Variants in KIAA1217 observed in about 807,000 individuals in gnomAD.
KIAA1217 encodes KIAA1217, also known as sickle tail protein homolog.
In KIAA1217, 88 loss-of-function variants were observed where a neutral mutation model predicts 163.9. That is an observed-to-expected ratio of 0.54 (90% CI 0.45 to 0.64). The LOEUF (loss-of-function observed/expected upper bound fraction) is 0.64, where lower values mean the gene tolerates loss of function less well. Ranked by LOEUF, KIAA1217 falls within the 30% of genes least tolerant of loss-of-function variation. KIAA1217 has a pLI of 0.00. For missense variants in KIAA1217, 2,372 were observed against 2,475.0 expected, an observed-to-expected ratio of 0.96 and a Z score of 0.88; for synonymous variants, 903 against 923.1, an observed-to-expected ratio of 0.98 and a Z score of 0.39.
intron 1 of KIAA1217, among the ~76,000 whole-genome samples, chr10:23,821,104 CGTGTGTGTGTGTGT>C (rs3072739): frequency 2.8e-5 from 4 of 143,124 alleles, no homozygotes; most frequent in Admixed American, 7.0e-5. Context: ...TGTGTGTGTG[CGTGTGTGTGTGTGT>C]GTGTGTGTGT....
chr10:24,475,920 G>A (rs1447870665), intron 6 of KIAA1217, among the ~76,000 whole-genome samples: 1 of 152,102 alleles, frequency 6.6e-6, no homozygotes, highest in Non-Finnish European at 1.5e-5. Flanking sequence ...GAACTTACGG[G>A]AGCAAGAATT....
intron 2 of KIAA1217, among the ~76,000 whole-genome samples, chr10:24,304,426 A>G (rs2041768305): frequency 6.6e-6 from 1 of 152,092 alleles, no homozygotes; most frequent in Admixed American, 6.5e-5. Context: ...GGGCATTCAT[A>G]GTTCCTGGGC....
At chr10:24,516,698 A>T (rs1287907441) in intron 10 of KIAA1217, among the ~76,000 whole-genome samples, 1 of 152,200 alleles carries the variant, frequency 6.6e-6, no homozygotes. Context: ...AGGAAAATAG[A>T]TCAGTGACTA....
chr10:24,095,220 G>A (rs886859934), intron 2 of KIAA1217, among the ~76,000 whole-genome samples: 2 of 152,154 alleles, frequency 1.3e-5, no homozygotes, highest in South Asian at 2.1e-4. Context: ...GCTTCTGCTC[G>A]TGCACGGGTG....
At chr10:23,967,947 T>C (rs915664764) in intron 1 of KIAA1217, among the ~76,000 whole-genome samples, 4 of 139,048 alleles carry the variant, frequency 2.9e-5, no homozygotes, top group African/African-American at 1.1e-4. Context: ...ATGGAGGACA[T>C]GCCTTTTTTA....
In KIAA1217 at chr10:24,542,699, G is replaced by T; in HGVS notation, c.3541G>T (p.Glu1181Ter). 6.2e-7 allele frequency: 1 copy of T among 1,614,070 alleles called. No individual in the cohort carries two copies. The change falls in exon 18 of 21, where the codon GAA (glutamate) becomes TAA (stop). Residue 1181 changes from glutamate to a stop codon, truncating the protein, a stop_gained. Coordinates refer to ENST00000376454, the MANE Select transcript of KIAA1217 (RefSeq NM_019590.5). LOFTEE classifies it high-confidence loss of function. ...TCCTACACTATTCTACCAGAATTTG[G>T]AATTTTTCCATGAAGATGTACGGAA... The part of the protein sequence containing the change: ...TVPPKEKKNL[E>*]FFHEDVRKSD...
intron 2 of KIAA1217, among the ~76,000 whole-genome samples, chr10:24,174,465 C>T (rs2065776002): frequency 6.6e-6 from 1 of 152,184 alleles, no homozygotes; most frequent in Admixed American, 6.5e-5. Context: ...CCTTGAAACC[C>T]CATTTCCTAT....
intron 1 of KIAA1217, among the ~76,000 whole-genome samples, chr10:23,980,207 G>A (rs1589176642): frequency 6.6e-6 from 1 of 152,290 alleles, no homozygotes; most frequent in East Asian, 1.9e-4. Context: ...TCTGTCCCGA[G>A]AATGGGACAC....
chr10:24,250,287 T>C (rs1281323179), intron 2 of KIAA1217, among the ~76,000 whole-genome samples: 1 of 152,136 alleles, frequency 6.6e-6, no homozygotes, highest in African/African-American at 2.4e-5. Context: ...AGAGAAAGAA[T>C]ACTTGGTGGT....
At chr10:24,276,138 G>C (rs1359724279) in intron 2 of KIAA1217, among the ~76,000 whole-genome samples, 1 of 152,082 alleles carries the variant, frequency 6.6e-6, no homozygotes, top group African/African-American at 2.4e-5. Flanking sequence ...GGGCTACAAG[G>C]TCATTGGAAT....
At chr10:24,425,654 GT>G (rs1483371539) in intron 3 of KIAA1217, among the ~76,000 whole-genome samples, 5 of 152,132 alleles carry the variant, frequency 3.3e-5, no homozygotes, top group Non-Finnish European at 7.3e-5. Flanking sequence ...ATCCCCTATT[GT>G]TGGAGATTCT....
In KIAA1217 at chr10:24,380,995, T is replaced by C; in HGVS notation, c.481T>C (p.Ser161Pro). The change falls in exon 3 of 21, where the codon TCC becomes CCC. Residue 161 changes from serine to proline, a missense_variant. This residue lies in a region of KIAA1217 where 1,431 missense variants were observed against 1,470.3 expected (regional missense o/e 0.97). Transcript: ENST00000376454. ...TGAGGGGGATGCTCCAACCCCTTTT[T>C]CCAGAGGCAGCCGGACTCGTGCGAG... ...MSEGDAPTPF[S>P]RGSRTRASLP... The C allele has an allele frequency of 6.2e-7, 1 of 1,609,542 alleles. No individual in the cohort carries two copies. Among genetic ancestry groups the C allele is most frequent in the African/African-American group, 1.3e-5 (1 of 74,844 alleles).
At chr10:23,755,858 T>C (rs937617440) in intron 1 of KIAA1217, among the ~76,000 whole-genome samples, 1 of 152,182 alleles carries the variant, frequency 6.6e-6, no homozygotes, top group African/African-American at 2.4e-5. Flanking sequence ...TACTTTATTT[T>C]ACTTTCTAAT....
rs2069745337 is a variant in KIAA1217 at position 24,222,177 on chromosome 10, G to A, written c.354+2268G>A. Among the ~76,000 whole-genome samples the A allele has an allele frequency of 2.0e-5, 3 of 152,174 alleles. No homozygotes were observed. The South Asian group carries it at 6.2e-4, about 32-fold the overall frequency. ...CTAATTATAATTAAGGTTGAAAGGAGTAATGAATATATTTTGGTGTTCTCA... is the reference window on the plus strand; with the variant it reads ...CTAATTATAATTAAGGTTGAAAGGAATAATGAATATATTTTGGTGTTCTCA... On this transcript the variant is annotated intron_variant, in intron 2 of 20. Coordinates refer to ENST00000376454, the MANE Select transcript of KIAA1217 (RefSeq NM_019590.5).
intron 1 of KIAA1217, among the ~76,000 whole-genome samples, chr10:23,748,461 C>CAAGGAAGGAAGGAAGGAAGGAAGGAAGG (rs763422691): frequency 4.5e-5 from 6 of 133,536 alleles, no homozygotes; most frequent in African/African-American, 1.8e-4. Context: ...AGGAAGGAAG[C>CAAGGAAGGAAGGAAGGAAGGAAGGAAGG]AAGGAAGGAA....
intron 1 of KIAA1217, among the ~76,000 whole-genome samples, chr10:23,886,937 C>T (rs1841200813): frequency 6.6e-6 from 1 of 151,436 alleles, no homozygotes; most frequent in Admixed American, 6.6e-5. Flanking sequence ...GTAGAGAATA[C>T]ATTTTCCTGT....
At chr10:24,078,150 T>C (rs1199941453) in intron 2 of KIAA1217, among the ~76,000 whole-genome samples, 1 of 152,196 alleles carries the variant, frequency 6.6e-6, no homozygotes, top group Non-Finnish European at 1.5e-5. Flanking sequence ...TCTGTAAAAC[T>C]ACCATTTAAA....
intron 2 of KIAA1217, among the ~76,000 whole-genome samples, chr10:24,378,600 A>G (rs1356814678): frequency 6.6e-6 from 1 of 150,876 alleles, no homozygotes; most frequent in Non-Finnish European, 1.5e-5. Flanking sequence ...ACTTTTACCC[A>G]TGGTGCCTAG....
At chr10:23,820,130 G>A (rs919139419) in intron 1 of KIAA1217, among the ~76,000 whole-genome samples, 2 of 152,116 alleles carry the variant, frequency 1.3e-5, no homozygotes, top group African/African-American at 4.8e-5. Context: ...AAAGCTCATC[G>A]TCAAAGAGTC....
Sources: gnomAD v4.1 joint callset for allele counts (sites outside exome capture counted in the v4.1 genomes callset) on GRCh38, gnomAD v4.1.1 for gene constraint, gnomAD v4.1.1 regional missense constraint, MANE v1.5 for transcripts, NCBI Gene and HGNC (gene_info 2026-07-23, HGNC 2026-07-21) for gene names.